The following VAMP7 variants were observed in gnomAD, a reference collection of about 807,000 sequenced individuals.
The protein encoded by VAMP7 is vesicle-associated membrane protein 7.
Under a neutral mutation model 29.6 loss-of-function variants are expected in VAMP7, and 14 were observed. The observed-to-expected ratio is 0.47, with a 90% CI of 0.31 to 0.74. The LOEUF (loss-of-function observed/expected upper bound fraction) is 0.74, where lower values mean the gene tolerates loss of function less well. Among genes scored for constraint, VAMP7 ranks in the 30% least tolerant of loss-of-function variants. The pLI is 0.05. For missense variants in VAMP7, 223 were observed against 262.4 expected, an observed-to-expected ratio of 0.85 and a Z score of 1.04; for synonymous variants, 95 against 88.1, an observed-to-expected ratio of 1.08 and a Z score of -0.44.
chrX:155,936,290 C>T (rs1471878679), intron 6 of VAMP7, among the ~76,000 whole-genome samples: 1 of 152,150 alleles, frequency 6.6e-6, no homozygotes, highest in Non-Finnish European at 1.5e-5. Flanking sequence ...ATGCCCTGCC[C>T]CCAGAGGTGG....
At chrX:155,898,082 A>C (rs1254699392) in intron 3 of VAMP7, 30 bp from the exon 4 acceptor site, 1 of 1,603,054 alleles carries the variant, frequency 6.2e-7, no homozygotes, top group Non-Finnish European at 8.5e-7. Flanking sequence ...TTACTTTCTA[A>C]ATGTGAGTTC....
chrX:155,892,893 C>G (rs1008968144), intron 2 of VAMP7, among the ~76,000 whole-genome samples: 1 of 151,872 alleles, frequency 6.6e-6, no homozygotes, highest in African/African-American at 2.4e-5. Context: ...ACTGGGATGA[C>G]AGGCGTGTGC....
intron 5 of VAMP7, among the ~76,000 whole-genome samples, chrX:155,904,902 T>C (rs1253406316): frequency 2.4e-5 from 2 of 83,356 alleles, no homozygotes; most frequent in Non-Finnish European, 4.7e-5. Flanking sequence ...ATATATATTA[T>C]ATATTATATA....
At chrX:155,884,635 G>C (rs181321170) in intron 1 of VAMP7, among the ~76,000 whole-genome samples, 1 of 152,162 alleles carries the variant, frequency 6.6e-6, no homozygotes, top group Non-Finnish European at 1.5e-5. Flanking sequence ...GTGATTTATT[G>C]ACACCTATTT....
intron 7 of VAMP7, among the ~76,000 whole-genome samples, chrX:155,941,667 C>A (rs141338656): frequency 6.6e-6 from 1 of 151,982 alleles, no homozygotes; most frequent in African/African-American, 2.4e-5. Context: ...CTGAAGGAAA[C>A]GCTAGAGTTC....
At chrX:155,897,849 G>A (rs1233222616) in intron 3 of VAMP7, among the ~76,000 whole-genome samples, 1 of 151,988 alleles carries the variant, frequency 6.6e-6, no homozygotes, top group Non-Finnish European at 1.5e-5. Context: ...TGATAACCTA[G>A]GTATCATTAT....
At chrX:155,918,817 C>T (rs1348551554) in intron 5 of VAMP7, among the ~76,000 whole-genome samples, 1 of 152,150 alleles carries the variant, frequency 6.6e-6, no homozygotes, top group African/African-American at 2.4e-5. Context: ...CAGATGCTTT[C>T]TCTGCATCTA....
At chrX:155,924,344 G>T (rs1228816919) in intron 6 of VAMP7, among the ~76,000 whole-genome samples, 1 of 152,086 alleles carries the variant, frequency 6.6e-6, no homozygotes, top group Non-Finnish European at 1.5e-5. Context: ...ATTCAGTGAT[G>T]TTAATTACAT....
At chrX:155,909,634 A>G (rs775545763) in intron 5 of VAMP7, among the ~76,000 whole-genome samples, 1 of 152,302 alleles carries the variant, frequency 6.6e-6, no homozygotes, top group South Asian at 2.1e-4. Context: ...CCATAGACGT[A>G]GTGACTTAAA....
At position 155,941,956 on chromosome X, in the gene VAMP7, G is replaced by GGAAA; in HGVS notation, c.*5_*6insGAAA. 6.2e-7 allele frequency: 1 copy of GGAAA among 1,613,578 alleles called. No homozygotes were observed. Among genetic ancestry groups the GGAAA allele is most frequent in the Non-Finnish European group, 8.5e-7 (1 of 1,179,676 alleles). On this transcript the variant is annotated 3_prime_UTR_variant, in exon 8 of 8. Coordinates refer to ENST00000286448, the MANE Select transcript of VAMP7 (RefSeq NM_005638.6). ...CCAAGCTGTGTGAAGAAATAGGAAAGAAGAAGTTACCATTAACCAAGGATA... is the reference window on the plus strand; with the variant it reads ...CCAAGCTGTGTGAAGAAATAGGAAAGGAAAAAGAAGTTACCATTAACCAAGGATA...
intron 6 of VAMP7, among the ~76,000 whole-genome samples, chrX:155,921,856 A>T (rs1304551784): frequency 6.6e-6 from 1 of 152,014 alleles, no homozygotes; most frequent in African/African-American, 2.4e-5. Flanking sequence ...CCCCACAACA[A>T]TGTGTATCTT....
At chrX:155,937,315 A>G (rs1383117751) in intron 6 of VAMP7, among the ~76,000 whole-genome samples, 2 of 152,180 alleles carry the variant, frequency 1.3e-5, no homozygotes, top group Non-Finnish European at 2.9e-5. Context: ...CAGTTGTAAG[A>G]TGAATAAGTT....
At chrX:155,924,729 G>A (rs1037780981) in intron 6 of VAMP7, among the ~76,000 whole-genome samples, 2 of 152,284 alleles carry the variant, frequency 1.3e-5, no homozygotes, top group African/African-American at 4.8e-5. Flanking sequence ...TGTGGTGGCT[G>A]TGGCAATTTC....
At position 155,923,529 on chromosome X, in the gene VAMP7, A is replaced by T. The variant is rs747335445; in HGVS notation, c.501+3649A>T. On this transcript the variant is annotated intron_variant, in intron 6 of 7. Transcript: ENST00000286448. ...ACGGTGGTTCATCACTGTCTTTTACATTGTTTCTGACAAGAATTCTGCTGT... is the reference window on the plus strand; with the variant it reads ...ACGGTGGTTCATCACTGTCTTTTACTTTGTTTCTGACAAGAATTCTGCTGT... Among the ~76,000 whole-genome samples the T allele has an allele frequency of 2.0e-5, 3 of 151,306 alleles. No individual in the cohort carries two copies. The East Asian group carries it at 5.8e-4, about 29-fold the overall frequency.
intron 2 of VAMP7, 143 bp downstream of exon 2, chrX:155,889,755 A>G: frequency 1.2e-6 from 1 of 835,832 alleles, no homozygotes; most frequent in Non-Finnish European, 1.7e-6. Flanking sequence ...AACTTAGAAA[A>G]TATATCTGGT....
chrX:155,912,735 C>T (rs1259325960), intron 5 of VAMP7, among the ~76,000 whole-genome samples: 4 of 152,086 alleles, frequency 2.6e-5, no homozygotes, highest in African/African-American at 4.8e-5. Context: ...GTATATGTGC[C>T]ACATTTTCTT....
At chrX:155,931,382 G>A (rs2066551710) in intron 6 of VAMP7, among the ~76,000 whole-genome samples, 1 of 152,088 alleles carries the variant, frequency 6.6e-6, no homozygotes, top group African/African-American at 2.4e-5. Context: ...GTTGTTTCCT[G>A]ACTTTTTAAT....
At chrX:155,910,099 G>A (rs1299627943) in intron 5 of VAMP7, among the ~76,000 whole-genome samples, 3 of 152,036 alleles carry the variant, frequency 2.0e-5, no homozygotes, top group East Asian at 1.9e-4. Context: ...TTCCCTGCTC[G>A]GCCCCACATA....
chrX:155,905,792 T>C (rs773353021), intron 5 of VAMP7, among the ~76,000 whole-genome samples: 1 of 152,198 alleles, frequency 6.6e-6, no homozygotes, highest in Non-Finnish European at 1.5e-5. Flanking sequence ...ATGATTATTA[T>C]AGCTTTGTAG....
Sources: gnomAD v4.1 joint callset for allele counts (sites outside exome capture counted in the v4.1 genomes callset) on GRCh38, gnomAD v4.1.1 for gene constraint, MANE v1.5 for transcripts, NCBI Gene and HGNC (gene_info 2026-07-23, HGNC 2026-07-21) for gene names.